The following MAEL variants were observed in gnomAD, a reference collection of about 807,000 sequenced individuals.
MAEL encodes maelstrom spermatogenic transposon silencer.
Under a neutral mutation model 62.0 loss-of-function variants are expected in MAEL, and 46 were observed. The ratio of observed to expected loss-of-function variants is 0.74; its 90% CI spans 0.59 to 0.95. The LOEUF is 0.95. Ranked by LOEUF, MAEL falls within the 40% of genes least tolerant of loss-of-function variation. The probability of loss-of-function intolerance (pLI) is 0.00; values close to 1 mark genes in which losing one functional copy is unlikely to be tolerated. For missense variants in MAEL, 497 were observed against 526.8 expected, an observed-to-expected ratio of 0.94 and a Z score of 0.55; for synonymous variants, 172 against 175.5, an observed-to-expected ratio of 0.98 and a Z score of 0.16.
intron 8 of MAEL, among the ~76,000 whole-genome samples, chr1:167,014,949 T>C (rs563545826): frequency 6.6e-6 from 1 of 152,082 alleles, no homozygotes; most frequent in Non-Finnish European, 1.5e-5. Context: ...ATTTGAACCC[T>C]GGAGGTGGAG....
intron 5 of MAEL, among the ~76,000 whole-genome samples, chr1:167,002,948 C>G (rs1664739770): frequency 6.6e-6 from 1 of 152,180 alleles, no homozygotes; most frequent in Non-Finnish European, 1.5e-5. Flanking sequence ...ATTCAGCTCT[C>G]TAAGATTTCT....
At position 166,989,306 on chromosome 1, in the gene MAEL, G is replaced by T. The variant is rs1356580885; in HGVS notation, c.-47G>T. 5.1e-6 allele frequency: 8 copies of T among 1,579,932 alleles called. No individual in the cohort carries two copies. Among genetic ancestry groups the T allele is most frequent in the Non-Finnish European group, 5.2e-6 (6 of 1,161,906 alleles). On this transcript the variant is annotated 5_prime_UTR_variant, in exon 1 of 12. Transcript: ENST00000367872. ...CTTAGGGCGGGAGCCCGGCGAGGGC[G>T]CCGGTGCTTTGTTCTGTCTGAGGCC...
intron 5 of MAEL, among the ~76,000 whole-genome samples, chr1:167,003,337 C>G (rs972144453): frequency 1.3e-5 from 2 of 152,182 alleles, no homozygotes; most frequent in Non-Finnish European, 2.9e-5. Flanking sequence ...TCTGTCTATT[C>G]AAAATCTGGA....
chr1:167,004,285 G>T lies in MAEL; in HGVS notation c.629G>T (p.Trp210Leu). Residue 210 changes from tryptophan to leucine, a missense_variant, in exon 6 of 12, where the codon TGG becomes TTG. Transcript: ENST00000367872. ...TTTATTCATCCCAACCCAGGGAACT[G>T]GCCACCTATCTACTGCAAGGTAATT... Reference protein sequence around the residue: ...YRFIHPNPGNWPPIYCKSDDR... With the variant: ...YRFIHPNPGNLPPIYCKSDDR... 6.2e-7 allele frequency: 1 copy of T among 1,604,200 alleles called. No homozygotes were observed. The highest frequency in any genetic ancestry group is 1.7e-4 in the Middle Eastern group (1 of 6,042).
intron 4 of MAEL, 32 bp from the exon 5 acceptor site, chr1:166,993,996 T>C (rs1664299661): frequency 6.3e-7 from 1 of 1,599,818 alleles, no homozygotes; most frequent in Admixed American, 1.7e-5. Flanking sequence ...CTTTAAAATT[T>C]TTGCTTCTCA....
At chr1:167,006,636 T>TATATATATATAC (rs1557982563) in intron 8 of MAEL, among the ~76,000 whole-genome samples, 9 of 92,332 alleles carry the variant, frequency 9.7e-5, no homozygotes, top group African/African-American at 1.8e-4. Flanking sequence ...TATATATATA[T>TATATATATATAC]ACATTTTTTT....
chr1:167,005,278 T>C lies in MAEL; in HGVS notation c.726T>C (p.Leu242=), dbSNP rs530682082. The C allele has an allele frequency of 6.2e-7, 1 of 1,613,302 alleles. No homozygotes were observed. The highest frequency in any genetic ancestry group is 1.3e-5 in the African/African-American group (1 of 74,990). ...KASEIRQDLQ[L]LTVEDLVVGI... is the part of the protein sequence containing the mutation. ...AAGAAATCAGGCAAGATCTACAACT[T>C]CTCACTGTAGAGGACCTTGTAGTGG... The change falls in exon 8 of 12, where the codon CTT becomes CTC. Residue 242 remains leucine, a synonymous_variant. Transcript: ENST00000367872.
chr1:166,998,573 C>T (rs1664526268), intron 5 of MAEL, among the ~76,000 whole-genome samples: 1 of 152,100 alleles, frequency 6.6e-6, no homozygotes, highest in African/African-American at 2.4e-5. Context: ...TGACCAGTAC[C>T]TCTAGTTTCT....
In MAEL at chr1:167,019,786, A is replaced by G. The variant is rs189858316; in HGVS notation, c.1042-1299A>G. ...CCTTTTTGGAGTCAGTAGACTCCAA[A>G]TGGCCTCTTTTTGGAGTCAGTAGAC... On this transcript the variant is annotated intron_variant, in intron 10 of 11. Transcript: ENST00000367872. Among the ~76,000 whole-genome samples the G allele has an allele frequency of 2.7e-3, 417 of 152,206 alleles. 3 individuals carry two copies. The highest frequency in any genetic ancestry group is 4.0e-3 in the Non-Finnish European group (273 of 68,010).
chr1:167,012,929 G>T (rs1178075440), intron 8 of MAEL, among the ~76,000 whole-genome samples: 2 of 152,166 alleles, frequency 1.3e-5, no homozygotes, highest in South Asian at 2.1e-4. Context: ...TTTTAAACGT[G>T]CAAGAACACA....
intron 9 of MAEL, among the ~76,000 whole-genome samples, chr1:167,017,470 G>C (rs970785685): frequency 6.6e-6 from 1 of 152,130 alleles, no homozygotes; most frequent in Non-Finnish European, 1.5e-5. Flanking sequence ...TGGTAGCCCA[G>C]TGGGTGATAT....
upstream of MAEL, among the ~76,000 whole-genome samples, chr1:166,988,522 G>A (rs1344333531): frequency 1.3e-5 from 2 of 151,860 alleles, no homozygotes; most frequent in Non-Finnish European, 2.9e-5. Context: ...TCTGGGAAAC[G>A]TAATTAGAAA....
chr1:166,980,918 G>C (rs934374147), intron 1 of MAEL, among the ~76,000 whole-genome samples: 21 of 152,170 alleles, frequency 1.4e-4, no homozygotes, highest in African/African-American at 3.9e-4. Context: ...GTTTCTCAGA[G>C]CTCAGCCCTA....
intron 1 of MAEL, among the ~76,000 whole-genome samples, chr1:166,978,905 C>T (rs1449271240): frequency 6.6e-6 from 1 of 152,110 alleles, no homozygotes; most frequent in Admixed American, 6.5e-5. Context: ...GGGACCAGAA[C>T]AAGATTCCCA....
At chr1:167,012,979 A>G (rs1165746075) in intron 8 of MAEL, among the ~76,000 whole-genome samples, 4 of 152,304 alleles carry the variant, frequency 2.6e-5, no homozygotes, top group East Asian at 3.9e-4. Context: ...AAGATAGGTT[A>G]AAGTCAGTAG....
chr1:167,003,319 A>C (rs757111983), intron 5 of MAEL, among the ~76,000 whole-genome samples: 1 of 152,204 alleles, frequency 6.6e-6, no homozygotes, highest in Non-Finnish European at 1.5e-5. Flanking sequence ...AGACATAATT[A>C]TGTAAAATCT....
intron 5 of MAEL, among the ~76,000 whole-genome samples, chr1:166,994,787 A>G (rs1664342996): frequency 6.8e-6 from 1 of 147,594 alleles, no homozygotes; most frequent in South Asian, 2.1e-4. Flanking sequence ...CTTCTGTCTC[A>G]GCCTCCGGAG....
chr1:167,021,301 C>A, intron 11 of MAEL, 141 bp downstream of exon 11: 1 of 656,928 alleles, frequency 1.5e-6, no homozygotes, highest in Non-Finnish European at 2.7e-6. Context: ...TTTTATTTGG[C>A]ATTAGCACCT....
intron 5 of MAEL, among the ~76,000 whole-genome samples, chr1:167,000,989 T>G (rs1026819307): frequency 6.6e-6 from 1 of 152,222 alleles, no homozygotes; most frequent in African/African-American, 2.4e-5. Flanking sequence ...TGCAAAAATG[T>G]GGAACCAGCC....
Sources: allele counts gnomAD v4.1 joint callset (sites outside exome capture counted in the v4.1 genomes callset), GRCh38; gene constraint gnomAD v4.1.1; transcripts MANE v1.5; gene names NCBI Gene and HGNC (gene_info 2026-07-23, HGNC 2026-07-21).